The following DOCK5 variants were observed in gnomAD, a reference collection of about 807,000 sequenced individuals.
DOCK5 encodes the protein dedicator of cytokinesis 5, also known as dedicator of cytokinesis protein 5.
A neutral mutation model predicts 251.8 loss-of-function variants in DOCK5; 142 were observed. The ratio of observed to expected loss-of-function variants is 0.56; its 90% CI spans 0.49 to 0.65. DOCK5 has a LOEUF of 0.65. Among genes scored for constraint, DOCK5 ranks in the 30% least tolerant of loss-of-function variants. DOCK5 has a pLI of 0.00. For missense variants in DOCK5, 2,111 were observed against 2,312.3 expected (o/e 0.91, Z 1.79); for synonymous variants, 842 against 835.5 (o/e 1.01, Z -0.13).
chr8:25,326,067 A>G (rs17196760), intron 18 of DOCK5, among the ~76,000 whole-genome samples: 7,462 of 152,260 alleles, frequency 0.049, 260 homozygotes, highest in South Asian at 0.12. Flanking sequence ...AGAGGGATTC[A>G]TTTGGTTTTT....
At chr8:25,236,903 T>G (rs1289405867) in intron 1 of DOCK5, among the ~76,000 whole-genome samples, 1 of 152,112 alleles carries the variant, frequency 6.6e-6, no homozygotes, top group Non-Finnish European at 1.5e-5. Flanking sequence ...CTGGCCATAG[T>G]CATCTTTGGA....
At chr8:25,195,006 C>T (rs1273665823) in intron 1 of DOCK5, among the ~76,000 whole-genome samples, 2 of 152,054 alleles carry the variant, frequency 1.3e-5, no homozygotes, top group East Asian at 1.9e-4. Context: ...CTGCAACCTC[C>T]ACCTCCTGGG....
Position 25,336,472 on chromosome 8 carries a change from A to C in DOCK5, c.2327+99A>C, listed in dbSNP as rs146984524. 326 of 1,434,814 alleles carry C rather than the reference A, an allele frequency of 2.3e-4. 1 individual carries two copies. In the African/African-American group the frequency reaches 4.2e-3, roughly 18 times the overall value. The allele number at this position is 1,434,814 out of a possible 1,614,324, so 88.9% of individuals were successfully genotyped here. Reference sequence around the variant, plus strand: ...GTGGTGTTCAGCTCTGTGAGCAGTTAGTTCTTAGAATTGCCTTATTTCAGA... The same window carrying C: ...GTGGTGTTCAGCTCTGTGAGCAGTTCGTTCTTAGAATTGCCTTATTTCAGA... On this transcript the variant is annotated intron_variant, in intron 22 of 51. Transcript: ENST00000276440.
At chr8:25,286,797 G>T (rs1804346230) in intron 5 of DOCK5, among the ~76,000 whole-genome samples, 1 of 152,042 alleles carries the variant, frequency 6.6e-6, no homozygotes, top group Non-Finnish European at 1.5e-5. Context: ...CTTGGTAGCT[G>T]GGACCACAGG....
chr8:25,348,403 A>C (rs534078035), intron 26 of DOCK5, among the ~76,000 whole-genome samples: 1 of 152,294 alleles, frequency 6.6e-6, no homozygotes, highest in Non-Finnish European at 1.5e-5. Context: ...TTGAGTTAGG[A>C]ATGCAGCTCA....
In DOCK5 at chr8:25,295,693, C is replaced by T. The variant is rs375138959; in HGVS notation, c.471-820C>T. On this transcript the variant is annotated intron_variant, in intron 6 of 51. Transcript: ENST00000276440. ...AGCAATGTAATAAACAGTGAGACCA[C>T]GCCCACTTGGTCTGTTCCTTTACTC... Among the ~76,000 whole-genome samples the T allele has an allele frequency of 2.2e-4, 33 of 152,292 alleles. 1 individual carries two copies. Among genetic ancestry groups the T allele is most frequent in the South Asian group, 1.5e-3 (7 of 4,822 alleles).
At chr8:25,231,417 C>T (rs1324518416) in intron 1 of DOCK5, among the ~76,000 whole-genome samples, 2 of 152,164 alleles carry the variant, frequency 1.3e-5, no homozygotes, top group Non-Finnish European at 2.9e-5. Context: ...CTTCAGATTA[C>T]TACACTTGCA....
rs1801670901 is a variant in DOCK5, at chr8:25,413,902, A to G, written c.*2604A>G. 1 of 152,178 alleles carries G rather than the reference A, an allele frequency of 6.6e-6. No individual in the cohort carries two copies. Among genetic ancestry groups the G allele is most frequent in the Non-Finnish European group, 1.5e-5 (1 of 68,018 alleles). The allele number at this position is 152,178 out of a possible 1,614,324, so 9.4% of individuals were successfully genotyped here. ...TCACATTTGACAGAATTCATAAATA[A>G]TGTGTCCTGAAGTCAGAGGATGACT... On this transcript the variant is annotated 3_prime_UTR_variant, in exon 52 of 52. Coordinates refer to ENST00000276440, the MANE Select transcript of DOCK5 (RefSeq NM_024940.8).
rs571113873 is a variant in DOCK5 at position 25,415,180 on chromosome 8, A to G, written c.*3882A>G. 1.3e-5 allele frequency: 2 copies of G among 152,130 alleles called. No homozygotes were observed. Among genetic ancestry groups the G allele is most frequent in the African/African-American group, 4.8e-5 (2 of 41,422 alleles). The allele number at this position is 152,130 out of a possible 1,614,324, so 9.4% of individuals were successfully genotyped here. A position where few individuals can be genotyped will look rare whatever the true frequency, so the allele number is the denominator to read the frequency against. ...CAGTAATAATCCAGCACACATTGAA[A>G]TATTGACACAGATTACCATAATTTG... On this transcript the variant is annotated 3_prime_UTR_variant, in exon 52 of 52. Coordinates refer to ENST00000276440, the MANE Select transcript of DOCK5 (RefSeq NM_024940.8).
chr8:25,186,497 C>A (rs539625105), intron 1 of DOCK5, among the ~76,000 whole-genome samples: 1 of 152,024 alleles, frequency 6.6e-6, no homozygotes, highest in African/African-American at 2.4e-5. Context: ...TCTCAGCCCC[C>A]CTCCCCGAGT....
At chr8:25,396,946 C>T (rs1801356606) in intron 45 of DOCK5, among the ~76,000 whole-genome samples, 1 of 152,090 alleles carries the variant, frequency 6.6e-6, no homozygotes, top group African/African-American at 2.4e-5. Flanking sequence ...CTTGGCCAGG[C>T]ACGGTGACTC....
chr8:25,249,010 T>C (rs1156649187), intron 2 of DOCK5, among the ~76,000 whole-genome samples: 1 of 151,988 alleles, frequency 6.6e-6, no homozygotes, highest in African/African-American at 2.4e-5. Context: ...TTTATTTATC[T>C]TTTTTTTAGA....
intron 1 of DOCK5, among the ~76,000 whole-genome samples, chr8:25,242,276 G>A (rs1802974592): frequency 6.6e-6 from 1 of 152,100 alleles, no homozygotes; most frequent in Non-Finnish European, 1.5e-5. Flanking sequence ...CTGCAGCTCT[G>A]AACATTCACA....
At chr8:25,265,817 A>G (rs1305426571) in intron 2 of DOCK5, among the ~76,000 whole-genome samples, 2 of 151,924 alleles carry the variant, frequency 1.3e-5, no homozygotes, top group South Asian at 2.1e-4. Context: ...GGAGCAGATA[A>G]GAGTCCTGAC....
chr8:25,311,738 G>A (rs574023321), intron 13 of DOCK5, among the ~76,000 whole-genome samples: 3 of 150,826 alleles, frequency 2.0e-5, no homozygotes, highest in East Asian at 2.0e-4. Context: ...CCTGACCAAC[G>A]TGGTGAAACC....
chr8:25,371,523 A>T (rs1800872447), intron 34 of DOCK5, among the ~76,000 whole-genome samples: 1 of 152,230 alleles, frequency 6.6e-6, no homozygotes, highest in Non-Finnish European at 1.5e-5. Flanking sequence ...ATTTTAAAGG[A>T]CTAGAAGCCT....
intron 25 of DOCK5, among the ~76,000 whole-genome samples, chr8:25,344,639 T>G (rs1274244051): frequency 6.6e-6 from 1 of 152,248 alleles, no homozygotes; most frequent in Non-Finnish European, 1.5e-5. Flanking sequence ...ATTTGCACTT[T>G]GAAATTGCAA....
At chr8:25,231,301 T>C (rs1192688765) in intron 1 of DOCK5, among the ~76,000 whole-genome samples, 2 of 152,190 alleles carry the variant, frequency 1.3e-5, no homozygotes. Context: ...TCCATGGACA[T>C]TAGGGGTGAA....
rs141825401 is a variant in DOCK5 at position 25,291,753 on chromosome 8, C to T, written c.322-271C>T. Reference sequence around the variant, plus strand: ...TTATAATCCCAGCACTTTGGGAGGCCGAGGCGGGTAGATCCATGGTGAGAC... The same window carrying T: ...TTATAATCCCAGCACTTTGGGAGGCTGAGGCGGGTAGATCCATGGTGAGAC... On this transcript the variant is annotated intron_variant, in intron 5 of 51. Coordinates refer to ENST00000276440, the MANE Select transcript of DOCK5 (RefSeq NM_024940.8). Among the ~76,000 whole-genome samples, 937 of 147,786 alleles carry T rather than the reference C, an allele frequency of 6.3e-3. 16 individuals carry two copies. Among genetic ancestry groups the T allele is most frequent in the African/African-American group, 0.022 (886 of 39,878 alleles).
Sources: gnomAD v4.1 joint callset for allele counts (sites outside exome capture counted in the v4.1 genomes callset) on GRCh38, gnomAD v4.1.1 for gene constraint, MANE v1.5 for transcripts, NCBI Gene and HGNC (gene_info 2026-07-23, HGNC 2026-07-21) for gene names.